NEK3: variants seen among roughly 807,000 people sequenced by gnomAD.
The protein encoded by NEK3 is NIMA related kinase 3.
In NEK3, 54 loss-of-function variants were observed where a neutral mutation model predicts 66.0. The ratio of observed to expected loss-of-function variants is 0.82; its 90% CI spans 0.66 to 1.03. The LOEUF is 1.03. NEK3 is among the 50% of genes least tolerant of loss of function. The pLI is 0.00. For synonymous variants in NEK3, 200 were observed against 206.2 expected (o/e 0.97, Z 0.26); for missense variants, 593 against 603.0 (o/e 0.98, Z 0.17).
intron 8 of NEK3, among the ~76,000 whole-genome samples, chr13:52,146,699 A>G (rs1164251438): frequency 6.6e-6 from 1 of 152,230 alleles, no homozygotes; most frequent in Non-Finnish European, 1.5e-5. Context: ...AGAGATTTTA[A>G]TTCAATCACT....
intron 1 of NEK3, chr13:52,157,332 G>C (rs1956403726): frequency 6.6e-6 from 1 of 152,034 alleles, no homozygotes. Context: ...AATGGGGTCA[G>C]AAAAAATGGG....
chr13:52,136,377 A>G, intron 12 of NEK3, 118 bp from the exon 13 acceptor site: 1 of 1,027,750 alleles, frequency 9.7e-7, no homozygotes, highest in Non-Finnish European at 1.4e-6. Flanking sequence ...ATTCAGATCT[A>G]TGTTTGAAAG....
intron 11 of NEK3, 65 bp downstream of exon 11, chr13:52,140,955 C>G (rs1956245306): frequency 1.5e-6 from 2 of 1,325,212 alleles, no homozygotes; most frequent in Non-Finnish European, 2.1e-6. Flanking sequence ...GCTGGGATTA[C>G]AGGCTTGCAC....
rs766915816 is a variant in NEK3 at position 52,133,133 on chromosome 13, C to T, written c.*9G>A. 2 of 1,605,200 alleles carry T rather than the reference C, an allele frequency of 1.2e-6. No homozygotes were observed. The highest frequency in any genetic ancestry group is 2.7e-5 in the African/African-American group (2 of 74,952). On this transcript the variant is annotated 3_prime_UTR_variant, in exon 16 of 16. Transcript: ENST00000610828. The stretch of plus-strand genomic sequence containing the variant: ...TCCTCAGCGTGACTCAGGAACATTT[C>T]CTCAGGCATTATCTGTCGCACAGGC...
At chr13:52,133,345 G>T in intron 15 of NEK3, 119 bp from the exon 16 acceptor site, 1 of 809,582 alleles carries the variant, frequency 1.2e-6, no homozygotes, top group South Asian at 1.9e-5. Context: ...AGTTCCATAA[G>T]GCAACTGAAG....
chr13:52,152,498 G>A lies in NEK3; in HGVS notation c.393+111C>T, dbSNP rs1004640766. 5 of 580,532 alleles carry A rather than the reference G, an allele frequency of 8.6e-6. No homozygotes were observed. In the African/African-American group the frequency reaches 9.6e-5, roughly 11 times the overall value. 36.0% of individuals were successfully genotyped at this position (580,532 alleles called of 1,614,324 possible). ...AAAAGTAAATAACAAATATTAGGCTGACAAATATTTCTAAACTAAACAAAA... is the reference window on the plus strand; with the variant it reads ...AAAAGTAAATAACAAATATTAGGCTAACAAATATTTCTAAACTAAACAAAA... On this transcript the variant is annotated intron_variant, in intron 5 of 15. Coordinates refer to ENST00000610828, the MANE Select transcript of NEK3 (RefSeq NM_002498.3).
intron 11 of NEK3, 100 bp from the exon 12 acceptor site, chr13:52,137,002 T>A: frequency 1.4e-6 from 1 of 722,944 alleles, no homozygotes; most frequent in Non-Finnish European, 2.1e-6. Context: ...AAATAAAAAT[T>A]AATGGATTAA....
At chr13:52,152,118 A>G (rs996575452) in intron 5 of NEK3, among the ~76,000 whole-genome samples, 7 of 152,208 alleles carry the variant, frequency 4.6e-5, no homozygotes, top group South Asian at 4.1e-4. Context: ...AGAGATTTCA[A>G]TGACTTTTTC....
At chr13:52,142,227 G>C (rs954027368) in intron 10 of NEK3, among the ~76,000 whole-genome samples, 1 of 151,552 alleles carries the variant, frequency 6.6e-6, no homozygotes, top group Non-Finnish European at 1.5e-5. Context: ...AAAAGCCACA[G>C]AATAACACCT....
At chr13:52,151,123 G>T in intron 7 of NEK3, 23 bp downstream of exon 7, 2 of 1,584,872 alleles carry the variant, frequency 1.3e-6, no homozygotes, top group South Asian at 1.2e-5. Flanking sequence ...TGGGCACCCT[G>T]ACATCAAATA....
chr13:52,140,879 A>C, intron 11 of NEK3, 141 bp downstream of exon 11: 1 of 526,784 alleles, frequency 1.9e-6, no homozygotes, highest in Non-Finnish European at 3.3e-6. Flanking sequence ...GCAATGGCGC[A>C]ATCTAGGCTC....
Position 52,135,849 on chromosome 13 carries a change from T to C in NEK3, c.1189A>G (p.Lys397Glu), listed in dbSNP as rs1398709854. ...AEDDRGGSVIKYSKNTTRKQW... is the reference protein window; with the variant it reads ...AEDDRGGSVIEYSKNTTRKQW... ...TTACGAGTAGTATTTTTGCTGTACT[T>C]TATTACAGAACCACCTAGTTGCAAA... The change falls in exon 14 of 16, where the codon AAG becomes GAG. Residue 397 changes from lysine (K) to glutamate (E), a missense_variant. Transcript: ENST00000610828. 6.2e-7 allele frequency: 1 copy of C among 1,611,654 alleles called. No homozygotes were observed. Among genetic ancestry groups the C allele is most frequent in the Non-Finnish European group, 8.5e-7 (1 of 1,179,232 alleles).
intron 7 of NEK3, among the ~76,000 whole-genome samples, chr13:52,149,985 TC>T (rs1956329291): frequency 6.6e-6 from 1 of 152,054 alleles, no homozygotes. Flanking sequence ...TGTTATCACA[TC>T]CAAGGAATTT....
chr13:52,152,529 C>A, intron 5 of NEK3, 80 bp downstream of exon 5: 8 of 786,418 alleles, frequency 1.0e-5, no homozygotes, highest in South Asian at 4.4e-5. Context: ...CAAAACTGTC[C>A]CAAAATGCAT....
chr13:52,143,596 A>G (rs1192607098), intron 10 of NEK3, among the ~76,000 whole-genome samples: 1 of 152,216 alleles, frequency 6.6e-6, no homozygotes, highest in Non-Finnish European at 1.5e-5. Context: ...ATTTTCATGG[A>G]TAGATTCTTA....
At position 52,133,131 on chromosome 13, in the gene NEK3, T is replaced by C. The variant is rs753331142; in HGVS notation, c.*11A>G. The C allele has an allele frequency of 4.9e-5, 78 of 1,604,488 alleles. No individual in the cohort carries two copies. Among genetic ancestry groups the C allele is most frequent in the Non-Finnish European group, 6.2e-5 (73 of 1,175,084 alleles). ...TCTCCTCAGCGTGACTCAGGAACAT[T>C]TCCTCAGGCATTATCTGTCGCACAG... On this transcript the variant is annotated 3_prime_UTR_variant, in exon 16 of 16. Transcript: ENST00000610828.
chr13:52,155,449 C>T (rs1016712583), intron 2 of NEK3, among the ~76,000 whole-genome samples: 1 of 152,144 alleles, frequency 6.6e-6, no homozygotes, highest in Non-Finnish European at 1.5e-5. Context: ...CTGAGTTGCT[C>T]TGGCAAAGAT....
rs900048335 is a variant in NEK3 at position 52,144,042 on chromosome 13, C to A, written c.805-55G>T. On this transcript the variant is annotated intron_variant, in intron 9 of 15. Transcript: ENST00000610828. ...GTGAAAACATACTTTTCTATAGATA[C>A]TGCCGTGATGTCATTTCATCATCAG... is the stretch of plus-strand genomic sequence containing the variant. 5.4e-6 allele frequency: 5 copies of A among 933,470 alleles called. No homozygotes were observed. In the African/African-American group the frequency reaches 8.4e-5, roughly 16 times the overall value. The allele number at this position is 933,470 out of a possible 1,614,324, so 57.8% of individuals were successfully genotyped here.
intron 14 of NEK3, 129 bp downstream of exon 14, chr13:52,135,597 CAAT>C (rs1206710950): frequency 4.3e-6 from 3 of 691,524 alleles, no homozygotes; most frequent in Admixed American, 3.5e-5. Context: ...GGCTGTACAA[CAAT>C]GTGACGTACT....
Sources: allele counts gnomAD v4.1 joint callset (sites outside exome capture counted in the v4.1 genomes callset), GRCh38; gene constraint gnomAD v4.1.1; transcripts MANE v1.5; gene names NCBI Gene and HGNC (gene_info 2026-07-23, HGNC 2026-07-21).